NDUFA11: variants seen among roughly 807,000 people sequenced by gnomAD.
NDUFA11 encodes NADH dehydrogenase [ubiquinone] 1 alpha subcomplex subunit 11.
Under a neutral mutation model 11.3 loss-of-function variants are expected in NDUFA11, and 14 were observed. The ratio of observed to expected loss-of-function variants is 1.24; its 90% CI spans 0.82 to 1.94. NDUFA11 has a LOEUF of 1.94. Ranked by LOEUF, NDUFA11 falls within the 30% of genes most tolerant of loss-of-function variation. The pLI, the probability that NDUFA11 is intolerant of heterozygous loss-of-function variation, is 0.00. For missense variants in NDUFA11, 204 were observed against 200.3 expected, an observed-to-expected ratio of 1.02 and a Z score of -0.11; for synonymous variants, 87 against 85.6, an observed-to-expected ratio of 1.02 and a Z score of -0.09.
chr19:5,898,654 A>C (rs1415152624), intron 1 of NDUFA11, among the ~76,000 whole-genome samples: 3 of 152,108 alleles, frequency 2.0e-5, no homozygotes, highest in Non-Finnish European at 4.4e-5. Flanking sequence ...TGGGCGGATC[A>C]TTTGAGGTTA....
At chr19:5,901,536 T>G (rs991891128) in intron 1 of NDUFA11, 23 of 1,153,682 alleles carry the variant, frequency 2.0e-5, no homozygotes, top group Middle Eastern at 3.7e-4. Flanking sequence ...AGGTCTGCCC[T>G]AATTCAAATG....
intron 1 of NDUFA11, among the ~76,000 whole-genome samples, chr19:5,900,849 T>G (rs908927249): frequency 2.0e-5 from 3 of 146,642 alleles, no homozygotes; most frequent in Non-Finnish European, 4.4e-5. Flanking sequence ...AGGCAGAGGT[T>G]GCAGTAAGCC....
At chr19:5,901,473 C>T in intron 1 of NDUFA11, 2 of 1,284,700 alleles carry the variant, frequency 1.6e-6, no homozygotes, top group South Asian at 1.2e-5. Context: ...AATGGAGACA[C>T]AATAACGTCT....
chr19:5,903,082 T>G (rs1279319741), intron 1 of NDUFA11, among the ~76,000 whole-genome samples: 1 of 149,556 alleles, frequency 6.7e-6, no homozygotes, highest in Non-Finnish European at 1.5e-5. Context: ...GCTACCCTCA[T>G]AGTAGCTCCT....
At chr19:5,892,088 T>A (rs1429594049), downstream of NDUFA11, 1 of 152,404 alleles carries the variant, frequency 6.6e-6, no homozygotes, top group South Asian at 2.1e-4. Context: ...TCGTGTTCCA[T>A]TCTGGGGGGC....
chr19:5,892,678 C>G, downstream of NDUFA11: 1 of 425,288 alleles, frequency 2.4e-6, no homozygotes, highest in Non-Finnish European at 4.0e-6. Flanking sequence ...GATGACCGCC[C>G]GGGTCCACAC....
downstream of NDUFA11, chr19:5,892,082 G>A (rs1175878512): frequency 6.6e-6 from 1 of 152,410 alleles, no homozygotes; most frequent in African/African-American, 2.4e-5. Context: ...ACCCCCTCGT[G>A]TTCCATTCTG....
In NDUFA11 at chr19:5,896,428, TG is replaced by T. The variant is rs753464785; in HGVS notation, c.313+24del. 8.9e-5 allele frequency: 38 copies of T among 424,968 alleles called. No individual in the cohort carries two copies. Among genetic ancestry groups the T allele is most frequent in the Admixed American group, 1.8e-4 (5 of 27,642 alleles). 26.3% of individuals were successfully genotyped at this position (424,968 alleles called of 1,614,324 possible). ...TCATTCTGCCAGGCTGGGAGGAGGG[TG>T]GGGGTGGGGAGGGGGCCACTCACTG... On this transcript the variant is annotated intron_variant, in intron 3 of 3. Coordinates refer to ENST00000308961, the MANE Select transcript of NDUFA11 (RefSeq NM_175614.5). This position sits in a 1 kb window ranked among gnomAD's most constrained non-coding sequence, Gnocchi z 5.8.
chr19:5,894,550 G>T, downstream of NDUFA11: 1 of 1,202,586 alleles, frequency 8.3e-7, no homozygotes, highest in Non-Finnish European at 1.2e-6. Flanking sequence ...ACCCTTGGCA[G>T]GGACGGCAGG....
intron 3 of NDUFA11, chr19:5,895,381 G>A (rs1199997436): frequency 6.4e-6 from 1 of 157,328 alleles, no homozygotes; most frequent in Admixed American, 6.1e-5. Context: ...TTTGAAGAGA[G>A]ACAGGGAGGC....
At chr19:5,900,915 AAAAAAAAAAAAAG>A (rs2057641055) in intron 1 of NDUFA11, among the ~76,000 whole-genome samples, 1 of 150,954 alleles carries the variant, frequency 6.6e-6, no homozygotes, top group Admixed American at 6.6e-5. Flanking sequence ...CGTCTCAAAA[AAAAAAAAAAAAAG>A]AAAAAAGAAA....
chr19:5,894,646 G>T (rs750467837), downstream of NDUFA11: 8 of 1,548,118 alleles, frequency 5.2e-6, no homozygotes, highest in Non-Finnish European at 5.2e-6. Context: ...CTGCTGTGTC[G>T]CCGTCATCAA....
At chr19:5,894,635 G>C (rs1290748062), downstream of NDUFA11, 1 of 1,543,684 alleles carries the variant, frequency 6.5e-7, no homozygotes, top group Admixed American at 2.0e-5. Context: ...GCCCTCACCG[G>C]CTGCTGTGTC....
At chr19:5,901,532 G>T in intron 1 of NDUFA11, 1 of 1,186,110 alleles carries the variant, frequency 8.4e-7, no homozygotes, top group Non-Finnish European at 1.1e-6. Flanking sequence ...GATTAGGTCT[G>T]CCCTAATTCA....
At chr19:5,892,743 C>T, downstream of NDUFA11, 1 of 863,470 alleles carries the variant, frequency 1.2e-6, no homozygotes, top group Non-Finnish European at 1.6e-6. Flanking sequence ...GCAGTAGAGA[C>T]AGAGGCCGGT....
Position 5,896,271 on chromosome 19 carries a change from G to C in NDUFA11, c.313+182C>G, listed in dbSNP as rs1599692411. The stretch of plus-strand genomic sequence containing the variant: ...TGGGGAGGGGACAGGGCAGGTCAGG[G>C]AGGGCCACAGTAGGTGCTTAAGCAG... On this transcript the variant is annotated intron_variant, in intron 3 of 3. Transcript: ENST00000308961. The surrounding 1 kb of genome is among the most constrained non-coding windows in gnomAD (Gnocchi z 5.8). 1.4e-6 allele frequency: 1 copy of C among 694,876 alleles called. No homozygotes were observed. The highest frequency in any genetic ancestry group is 2.7e-5 in the Admixed American group (1 of 37,596). 43.0% of individuals were successfully genotyped at this position (694,876 alleles called of 1,614,324 possible).
downstream of NDUFA11, chr19:5,892,896 G>T: frequency 7.0e-7 from 1 of 1,428,176 alleles, no homozygotes; most frequent in Non-Finnish European, 9.1e-7. Flanking sequence ...GCCGTCCTCT[G>T]AGGACAGAAC....
chr19:5,895,200 C>T (rs1235728178), intron 3 of NDUFA11: 2 of 303,436 alleles, frequency 6.6e-6, no homozygotes, highest in East Asian at 7.0e-5. Flanking sequence ...GTCTCAGTCT[C>T]TCCTTTGCCC....
downstream of NDUFA11, among the ~76,000 whole-genome samples, chr19:5,893,891 C>T (rs542689698): frequency 1.3e-5 from 2 of 152,352 alleles, no homozygotes; most frequent in African/African-American, 4.8e-5. This position sits in a 1 kb window ranked among gnomAD's most constrained non-coding sequence, Gnocchi z 4.1. Context: ...GGCCCAGATC[C>T]ATCCCAGCCA....
Sources: allele counts gnomAD v4.1 joint callset (sites outside exome capture counted in the v4.1 genomes callset), GRCh38; gene constraint gnomAD v4.1.1; non-coding constraint Gnocchi (gnomAD v3.1); transcripts MANE v1.5; gene names NCBI Gene and HGNC (gene_info 2026-07-23, HGNC 2026-07-21).